KDM1B: variants seen among roughly 807,000 people sequenced by gnomAD.
KDM1B encodes the protein lysine demethylase 1B, also known as lysine-specific histone demethylase 2.
A neutral mutation model predicts 107.4 loss-of-function variants in KDM1B; 63 were observed. The observed-to-expected ratio is 0.59, with a 90% confidence interval of 0.48 to 0.72. The LOEUF (loss-of-function observed/expected upper bound fraction) is 0.72. Among genes scored for constraint, KDM1B ranks in the 30% least tolerant of loss-of-function variants. The probability of loss-of-function intolerance (pLI) is 0.00; values close to 1 mark genes in which losing one functional copy is unlikely to be tolerated. For missense variants in KDM1B, 749 were observed against 1,020.8 expected (o/e 0.73, Z 3.63); for synonymous variants, 363 against 363.9 (o/e 1.00, Z 0.03).
chr6:18,188,710 T>A (rs1787056423), intron 9 of KDM1B, among the ~76,000 whole-genome samples: 1 of 152,036 alleles, frequency 6.6e-6, no homozygotes, highest in Admixed American at 6.6e-5. Flanking sequence ...AGCTCCTGGG[T>A]TCAAGCAATT....
chr6:18,189,289 A>G (rs1787114027), intron 9 of KDM1B, among the ~76,000 whole-genome samples: 1 of 152,052 alleles, frequency 6.6e-6, no homozygotes, highest in Admixed American at 6.6e-5. Context: ...GTGGAAATCA[A>G]AGCTAAAGTG....
chr6:18,209,577 G>T lies in KDM1B; in HGVS notation c.1866+1371G>T, dbSNP rs1308390113. The stretch of plus-strand genomic sequence containing the variant: ...AAGAAAGGCTGGAAAGCCCCACCCT[G>T]ATGCGTTCTTGTTGAATTGGCCTCG... On this transcript the variant is annotated intron_variant, in intron 17 of 21. Transcript: ENST00000650836. This position sits in a 1 kb window ranked among gnomAD's most constrained non-coding sequence, Gnocchi z 4.3. 6.6e-6 allele frequency among the ~76,000 whole-genome samples: 1 copy of T among 152,190 alleles called. No homozygotes were observed. Among genetic ancestry groups the T allele is most frequent in the African/African-American group, 2.4e-5 (1 of 41,448 alleles).
At chr6:18,168,519 C>T (rs1009551366) in intron 6 of KDM1B, among the ~76,000 whole-genome samples, 3 of 152,150 alleles carry the variant, frequency 2.0e-5, no homozygotes, top group Non-Finnish European at 2.9e-5. Flanking sequence ...TATTGATGGA[C>T]ATCTAGATCA....
intron 3 of KDM1B, 57 bp downstream of exon 3, chr6:18,160,039 G>A (rs1017332870): frequency 8.7e-7 from 1 of 1,148,626 alleles, no homozygotes. Context: ...ATTACTGATT[G>A]GGACTGGAGA....
At chr6:18,174,589 G>T (rs1162073678) in intron 7 of KDM1B, among the ~76,000 whole-genome samples, 1 of 152,078 alleles carries the variant, frequency 6.6e-6, no homozygotes, top group Admixed American at 6.6e-5. Flanking sequence ...CACCCTGTTT[G>T]TAGCCGTTTG....
rs1330526079 is a variant in KDM1B at position 18,214,631 on chromosome 6, C to T, written c.2110-376C>T. On this transcript the variant is annotated intron_variant, in intron 19 of 21. Coordinates refer to ENST00000650836, the MANE Select transcript of KDM1B (RefSeq NM_001364614.2). The surrounding 1 kb of genome is among the most constrained non-coding windows in gnomAD (Gnocchi z 4.4). ...AACTTGTGAGAGTGAGGCTCTTGGC[C>T]GGGTACAGTGGCTCACGCCTGTAAT... 3.3e-5 allele frequency among the ~76,000 whole-genome samples: 5 copies of T among 152,138 alleles called. No homozygotes were observed. The highest frequency in any genetic ancestry group is 1.3e-4 in the Admixed American group (2 of 15,262).
chr6:18,175,577 A>G (rs774759146), intron 7 of KDM1B, among the ~76,000 whole-genome samples: 30 of 152,146 alleles, frequency 2.0e-4, no homozygotes, highest in Admixed American at 5.9e-4. Flanking sequence ...AGGTTTTTCT[A>G]GTATTTCTTC....
Position 18,211,270 on chromosome 6 carries a change from C to T in KDM1B, c.1867-1218C>T, listed in dbSNP as rs1201957726. Among the ~76,000 whole-genome samples, 1 of 152,154 alleles carries T rather than the reference C, an allele frequency of 6.6e-6. No individual in the cohort carries two copies. Among genetic ancestry groups the T allele is most frequent in the East Asian group, 1.9e-4 (1 of 5,190 alleles). On this transcript the variant is annotated intron_variant, in intron 17 of 21. Transcript: ENST00000650836. The surrounding 1 kb of genome is among the most constrained non-coding windows in gnomAD (Gnocchi z 5.2). ...CAAATATACAAAATCTTTGAAGCCTCAGGTAGATTGGGTGCTTGGTCTTCA... is the reference window on the plus strand; with the variant it reads ...CAAATATACAAAATCTTTGAAGCCTTAGGTAGATTGGGTGCTTGGTCTTCA...
At chr6:18,202,580 T>A (rs751842115) in intron 14 of KDM1B, among the ~76,000 whole-genome samples, 6 of 152,232 alleles carry the variant, frequency 3.9e-5, no homozygotes, top group Non-Finnish European at 8.8e-5. Flanking sequence ...TTTTGTGACC[T>A]GAATGTATTC....
At chr6:18,194,621 G>A (rs1442224543) in intron 10 of KDM1B, among the ~76,000 whole-genome samples, 1 of 151,722 alleles carries the variant, frequency 6.6e-6, no homozygotes, top group Non-Finnish European at 1.5e-5. Context: ...TTAAATTATT[G>A]TGGTTAAATA....
chr6:18,197,024 A>T lies in KDM1B; in HGVS notation c.970-33A>T, dbSNP rs530409291. 2.9e-5 allele frequency: 45 copies of T among 1,561,118 alleles called. No individual in the cohort carries two copies. The African/African-American group carries it at 5.2e-4, about 18-fold the overall frequency. On this transcript the variant is annotated intron_variant, in intron 10 of 21. Coordinates refer to ENST00000650836, the MANE Select transcript of KDM1B (RefSeq NM_001364614.2). The surrounding 1 kb of genome is among the most constrained non-coding windows in gnomAD (Gnocchi z 4.5). ...TGTTTGAATTTCTTGGGACTTTTTTAAAAAAGCAGTTTGGTTTTATTTCCA... is the reference window on the plus strand; with the variant it reads ...TGTTTGAATTTCTTGGGACTTTTTTTAAAAAGCAGTTTGGTTTTATTTCCA...
chr6:18,157,974 G>A (rs913418057), intron 2 of KDM1B, among the ~76,000 whole-genome samples: 6 of 151,710 alleles, frequency 4.0e-5, no homozygotes, highest in Non-Finnish European at 7.4e-5. Context: ...CACCACCCCC[G>A]GCTAATTTTT....
chr6:18,195,733 C>CAAAAAAAAAAAA (rs774459443), intron 10 of KDM1B, among the ~76,000 whole-genome samples: 2 of 107,808 alleles, frequency 1.9e-5, no homozygotes, highest in African/African-American at 3.6e-5. Flanking sequence ...AACTCCATAT[C>CAAAAAAAAAAAA]AAAAAAAAAA....
chr6:18,213,531 T>G lies in KDM1B; in HGVS notation c.1984-125T>G. ...GAGGTGAGGAGAATGGAAAGAGCGG[T>G]ATTTGGGGTTGTTCTTTCGGGCAGT... On this transcript the variant is annotated intron_variant, in intron 18 of 21. Transcript: ENST00000650836. The surrounding 1 kb of genome is among the most constrained non-coding windows in gnomAD (Gnocchi z 5.9). 3.7e-6 allele frequency: 3 copies of G among 817,824 alleles called. No homozygotes were observed. The highest frequency in any genetic ancestry group is 6.1e-6 in the Non-Finnish European group (3 of 495,258). 50.7% of individuals were successfully genotyped at this position (817,824 alleles called of 1,614,324 possible). A position where few individuals can be genotyped will look rare whatever the true frequency, so the allele number is the denominator to read the frequency against.
Position 18,172,672 on chromosome 6 carries a change from C to T in KDM1B, c.534+1193C>T, listed in dbSNP as rs542571035. Among the ~76,000 whole-genome samples the T allele has an allele frequency of 2.4e-4, 36 of 152,138 alleles. No homozygotes were observed. The highest frequency in any genetic ancestry group is 8.3e-4 in the South Asian group (4 of 4,824). On this transcript the variant is annotated intron_variant, in intron 7 of 21. Coordinates refer to ENST00000650836, the MANE Select transcript of KDM1B (RefSeq NM_001364614.2). The surrounding 1 kb of genome is among the most constrained non-coding windows in gnomAD (Gnocchi z 5.2). Reference sequence around the variant, plus strand: ...AAATATAAACATCATATTTTTATAACGCCTGGAATTCAGTAAAAGCCTGGG... The same window carrying T: ...AAATATAAACATCATATTTTTATAATGCCTGGAATTCAGTAAAAGCCTGGG...
rs377109956 is a variant in KDM1B at position 18,161,310 on chromosome 6, A to T, written c.88-17A>T. The T allele has an allele frequency of 1.9e-6, 3 of 1,612,932 alleles. No individual in the cohort carries two copies. The highest frequency in any genetic ancestry group is 1.7e-6 in the Non-Finnish European group (2 of 1,179,340). On this transcript the variant is annotated splice_polypyrimidine_tract_variant and intron_variant, in intron 3 of 21. Coordinates refer to ENST00000650836, the MANE Select transcript of KDM1B (RefSeq NM_001364614.2). ...CCATCATCAGTGAAATTTTAACATC[A>T]GCTGTGACTCCCTTAGGCGAAGAAG...
rs1439346479 is a variant in KDM1B at position 18,222,321 on chromosome 6, T to G, written c.*329T>G. 5.1e-6 allele frequency: 2 copies of G among 389,158 alleles called. No individual in the cohort carries two copies. The highest frequency in any genetic ancestry group is 4.1e-5 in the African/African-American group (2 of 48,248). 24.1% of individuals were successfully genotyped at this position (389,158 alleles called of 1,614,324 possible). On this transcript the variant is annotated 3_prime_UTR_variant, in exon 22 of 22. Transcript: ENST00000650836. ...GAAGTTCCCTTTAGATTTCACATTT[T>G]ATATGGCTGATCAATTTTCATACAT...
At chr6:18,165,437 C>G (rs1785238821) in intron 5 of KDM1B, among the ~76,000 whole-genome samples, 1 of 152,116 alleles carries the variant, frequency 6.6e-6, no homozygotes, top group Non-Finnish European at 1.5e-5. Context: ...GCCGCCTTCT[C>G]TGATTTTAAT....
At position 18,201,504 on chromosome 6, in the gene KDM1B, A is replaced by G; in HGVS notation, c.1378A>G (p.Lys460Glu). 6.5e-7 allele frequency: 1 copy of G among 1,548,628 alleles called. No homozygotes were observed. Among genetic ancestry groups the G allele is most frequent in the Non-Finnish European group, 8.7e-7 (1 of 1,146,528 alleles). The change falls in exon 14 of 22, where the codon AAA (lysine) becomes GAA (glutamate). Residue 460 changes from lysine to glutamate, a missense_variant. Coordinates refer to ENST00000650836, the MANE Select transcript of KDM1B (RefSeq NM_001364614.2). This position sits in a 1 kb window ranked among gnomAD's most constrained non-coding sequence, Gnocchi z 4.3. Reference protein sequence around the residue: ...MCEQLGISMHKFGERCDLIQE... With the variant: ...MCEQLGISMHEFGERCDLIQE... The stretch of plus-strand genomic sequence containing the variant: ...TTTGAAGCTTGGCATCAGCATGCAT[A>G]AATTTGGAGAAAGATGTGACTTAAT...
Sources: allele counts gnomAD v4.1 joint callset (sites outside exome capture counted in the v4.1 genomes callset), GRCh38; gene constraint gnomAD v4.1.1; non-coding constraint Gnocchi (gnomAD v3.1); transcripts MANE v1.5; gene names NCBI Gene and HGNC (gene_info 2026-07-23, HGNC 2026-07-21).